Variants in SKIL observed in about 807,000 individuals in gnomAD.
The protein encoded by SKIL is ski-like protein.
In SKIL, 20 loss-of-function variants were observed where a neutral mutation model predicts 69.6. That is an observed-to-expected ratio of 0.29 (90% CI 0.20 to 0.42). The LOEUF (loss-of-function observed/expected upper bound fraction) is 0.42, where lower values mean the gene tolerates loss of function less well. Ranked by LOEUF, SKIL falls within the 10% of genes least tolerant of loss-of-function variation. The pLI is 1.00. For missense variants in SKIL, 745 were observed against 783.1 expected, an observed-to-expected ratio of 0.95 and a Z score of 0.58; for synonymous variants, 310 against 279.9, an observed-to-expected ratio of 1.11 and a Z score of -1.08.
chr3:170,384,934 T>C (rs988822856), intron 4 of SKIL, 169 bp downstream of exon 4: 2 of 511,720 alleles, frequency 3.9e-6, no homozygotes, highest in East Asian at 6.4e-5. Flanking sequence ...TCTCAGTTGC[T>C]ATACTTTTCT....
In SKIL at chr3:170,392,896, A is replaced by G. The variant is rs1737997578; in HGVS notation, c.*479A>G. On this transcript the variant is annotated 3_prime_UTR_variant, in exon 7 of 7. Transcript: ENST00000259119. ...TTTTCTAAGTTGATATGGTGTACTC[A>G]TTAACATACACCAAATTTACTTTTA... 1 of 152,252 alleles carries G rather than the reference A, an allele frequency of 6.6e-6. No homozygotes were observed. Among genetic ancestry groups the G allele is most frequent in the Non-Finnish European group, 1.5e-5 (1 of 68,092 alleles). The allele number at this position is 152,252 out of a possible 1,614,324, so 9.4% of individuals were successfully genotyped here.
At chr3:170,382,921 G>A (rs1230215983) in intron 3 of SKIL, among the ~76,000 whole-genome samples, 5 of 152,068 alleles carry the variant, frequency 3.3e-5, no homozygotes, top group Non-Finnish European at 5.9e-5. Context: ...GTTTCACCAT[G>A]TTGGCCAGGC....
chr3:170,374,400 C>T (rs1736932588), intron 2 of SKIL, among the ~76,000 whole-genome samples: 1 of 152,018 alleles, frequency 6.6e-6, no homozygotes, highest in Non-Finnish European at 1.5e-5. Context: ...AATGTTAAGG[C>T]TCTAACTTAA....
chr3:170,359,362 C>A (rs1223408908), intron 1 of SKIL, among the ~76,000 whole-genome samples: 1 of 152,014 alleles, frequency 6.6e-6, no homozygotes, highest in African/African-American at 2.4e-5. Flanking sequence ...TTGGGAGGCC[C>A]GGGCGGGCGG....
At chr3:170,368,084 G>A (rs1168225687) in intron 2 of SKIL, among the ~76,000 whole-genome samples, 1 of 152,132 alleles carries the variant, frequency 6.6e-6, no homozygotes, top group African/African-American at 2.4e-5. Context: ...AAACCTAATT[G>A]AGATAAGGAA....
chr3:170,358,068 C>T (rs1161408158), intron 1 of SKIL, among the ~76,000 whole-genome samples: 1 of 152,036 alleles, frequency 6.6e-6, no homozygotes, highest in Non-Finnish European at 1.5e-5. Context: ...GAGACCCGGA[C>T]GCCCGTCACC....
At chr3:170,372,428 G>A (rs1158159381) in intron 2 of SKIL, among the ~76,000 whole-genome samples, 1 of 152,190 alleles carries the variant, frequency 6.6e-6, no homozygotes, top group Non-Finnish European at 1.5e-5. Context: ...CAGATGCTTA[G>A]ATCATACTGT....
In SKIL at chr3:170,360,515, G is replaced by T; in HGVS notation, c.184G>T (p.Val62Leu). The T allele has an allele frequency of 6.2e-7, 1 of 1,614,212 alleles. No homozygotes were observed. The highest frequency in any genetic ancestry group is 8.5e-7 in the Non-Finnish European group (1 of 1,180,024). ...EHLDDYGEAP[V>L]ETDGEHVKRT... ...CTTGGATGACTATGGAGAAGCACCA[G>T]TGGAAACTGATGGAGAGCATGTTAA... The change falls in exon 2 of 7, where the codon GTG becomes TTG. Residue 62 changes from valine to leucine, a missense_variant. Val to Leu is a conservative substitution (Grantham distance 32). Coordinates refer to ENST00000259119, the MANE Select transcript of SKIL (RefSeq NM_005414.5).
chr3:170,361,838 G>GC (rs1417141027), intron 2 of SKIL, among the ~76,000 whole-genome samples: 5 of 151,648 alleles, frequency 3.3e-5, no homozygotes, highest in African/African-American at 9.7e-5. Flanking sequence ...GCCCACCTTG[G>GC]CCTCCCAAAG....
At chr3:170,383,256 T>G (rs1237140459) in intron 3 of SKIL, among the ~76,000 whole-genome samples, 1 of 152,182 alleles carries the variant, frequency 6.6e-6, no homozygotes, top group African/African-American at 2.4e-5. Context: ...CCTGTTGTAT[T>G]TGCAGTAAGT....
chr3:170,388,553 C>T (rs1737761561), intron 4 of SKIL, among the ~76,000 whole-genome samples: 1 of 152,074 alleles, frequency 6.6e-6, no homozygotes, highest in Non-Finnish European at 1.5e-5. Flanking sequence ...TCACCTCAGC[C>T]TCCCAAGTAG....
chr3:170,360,644 G>A lies in SKIL; in HGVS notation c.313G>A (p.Ala105Thr). Residue 105 changes from alanine (A) to threonine (T), a missense_variant, in exon 2 of 7, where the codon GCA (alanine) becomes ACA (threonine). Physicochemically the swap from Ala to Thr is moderately conservative, Grantham distance 58 (BLOSUM62 0). Coordinates refer to ENST00000259119, the MANE Select transcript of SKIL (RefSeq NM_005414.5). ...LSSQSSLGGP[A>T]AFSARHSQES... ...TAGTCAGAGCTCGCTGGGTGGACCA[G>A]CAGCATTTTCTGCTCGGCATTCCCA... 1.2e-6 allele frequency: 2 copies of A among 1,614,216 alleles called. No homozygotes were observed. The highest frequency in any genetic ancestry group is 1.7e-6 in the Non-Finnish European group (2 of 1,180,038).
At chr3:170,368,351 T>A (rs577193293) in intron 2 of SKIL, among the ~76,000 whole-genome samples, 2 of 152,160 alleles carry the variant, frequency 1.3e-5, no homozygotes, top group African/African-American at 4.8e-5. Flanking sequence ...TTTTTTCTAT[T>A]TTTTTGGAAC....
chr3:170,381,423 G>A (rs1737339321), intron 3 of SKIL, 82 bp downstream of exon 3: 4 of 740,414 alleles, frequency 5.4e-6, no homozygotes, highest in East Asian at 5.1e-5. Flanking sequence ...TAGGACATGG[G>A]AATTTAATTA....
Position 170,392,318 on chromosome 3 carries a change from T to A in SKIL, c.1956T>A (p.Asp652Glu). 6.2e-7 allele frequency: 1 copy of A among 1,613,548 alleles called. No homozygotes were observed. The highest frequency in any genetic ancestry group is 1.7e-5 in the Admixed American group (1 of 59,996). Reference protein sequence around the residue: ...HAEADRQELQDELRQEREARQ... With the variant: ...HAEADRQELQEELRQEREARQ... The stretch of plus-strand genomic sequence containing the variant: ...AGGCCGATAGGCAAGAACTCCAAGA[T>A]GAACTCAGACAGGAACGGGAAGCAA... Residue 652 changes from aspartate to glutamate, a missense_variant, in exon 7 of 7, where the codon GAT (aspartate) becomes GAA (glutamate). Coordinates refer to ENST00000259119, the MANE Select transcript of SKIL (RefSeq NM_005414.5).
At chr3:170,383,691 G>T (rs1200333647) in intron 3 of SKIL, among the ~76,000 whole-genome samples, 1 of 152,148 alleles carries the variant, frequency 6.6e-6, no homozygotes, top group Non-Finnish European at 1.5e-5. Flanking sequence ...TACAAGAACT[G>T]CCCAGTAGCT....
rs35211247 is a variant in SKIL at position 170,377,244 on chromosome 3, C to CT, written c.1099-3989dup. ...ATGTGATGTTTCGTTTTCTGTTTTC[C>CT]TTTTTTTTTTTGAGATGGAGTTGCA... On this transcript the variant is annotated intron_variant, in intron 2 of 6. Transcript: ENST00000259119. Among the ~76,000 whole-genome samples the CT allele has an allele frequency of 4.8e-4, 69 of 145,038 alleles. No homozygotes were observed. The South Asian group carries it at 5.4e-3, about 11-fold the overall frequency.
chr3:170,376,042 CTTTTTTTTTTTTTTT>C (rs869036195), intron 2 of SKIL, among the ~76,000 whole-genome samples: 2 of 89,130 alleles, frequency 2.2e-5, no homozygotes, highest in African/African-American at 9.1e-5. Flanking sequence ...GCTGATTTTC[CTTTTTTTTTTTTTTT>C]TTTTTTTTGA....
chr3:170,378,948 C>T (rs546588965), intron 2 of SKIL, among the ~76,000 whole-genome samples: 1 of 152,104 alleles, frequency 6.6e-6, no homozygotes, highest in Non-Finnish European at 1.5e-5. Context: ...GCAATCTCGG[C>T]TTACTGCAGC....
Sources: allele counts gnomAD v4.1 joint callset (sites outside exome capture counted in the v4.1 genomes callset), GRCh38; gene constraint gnomAD v4.1.1; transcripts MANE v1.5; gene names NCBI Gene and HGNC (gene_info 2026-07-23, HGNC 2026-07-21).